Variants in TRPM3 observed in about 807,000 individuals in gnomAD.
TRPM3 encodes the protein transient receptor potential cation channel subfamily M member 3.
A neutral mutation model predicts 181.2 loss-of-function variants in TRPM3; 77 were observed. That is an observed-to-expected ratio of 0.42 (90% CI 0.35 to 0.51). The LOEUF is 0.51. Ranked by LOEUF, TRPM3 falls within the 20% of genes least tolerant of loss-of-function variation. The pLI, the probability that TRPM3 is intolerant of heterozygous loss-of-function variation, is 0.01. For missense variants in TRPM3, 1,759 were observed against 2,196.7 expected (o/e 0.80, Z 3.98); for synonymous variants, 745 against 796.4 (o/e 0.94, Z 1.09).
intron 1 of TRPM3, among the ~76,000 whole-genome samples, chr9:71,019,988 G>C (rs2097829267): frequency 6.6e-6 from 1 of 151,978 alleles, no homozygotes; most frequent in Admixed American, 6.6e-5. Context: ...TACTCACATG[G>C]GAAAAATATA....
chr9:71,151,132 T>C (rs946239622), intron 1 of TRPM3, among the ~76,000 whole-genome samples: 3 of 152,190 alleles, frequency 2.0e-5, no homozygotes, highest in African/African-American at 7.2e-5. Context: ...TGAGAATCCA[T>C]AAAATGAAAT....
intron 1 of TRPM3, among the ~76,000 whole-genome samples, chr9:71,401,574 T>A (rs2093341897): frequency 6.6e-6 from 1 of 152,204 alleles, no homozygotes; most frequent in South Asian, 2.1e-4. Context: ...TTACCCTTGA[T>A]GAGGTAGATG....
At chr9:70,781,046 CT>C (rs2082332963) in intron 7 of TRPM3, among the ~76,000 whole-genome samples, 1 of 152,006 alleles carries the variant, frequency 6.6e-6, no homozygotes, top group African/African-American at 2.4e-5. Context: ...ATATTTTTGG[CT>C]GAGCGTGGTG....
intron 1 of TRPM3, among the ~76,000 whole-genome samples, chr9:71,156,398 C>CAG (rs1305179454): frequency 1.3e-4 from 19 of 147,158 alleles, no homozygotes; most frequent in Admixed American, 1.1e-3. Flanking sequence ...CACACACACA[C>CAG]ACACACACAC....
rs149806831 is a variant in TRPM3 at position 70,903,079 on chromosome 9, T to C, written c.178-38568A>G. On this transcript the variant is annotated intron_variant, in intron 1 of 25. Coordinates refer to ENST00000677713, the MANE Select transcript of TRPM3 (RefSeq NM_001366145.2). Reference sequence around the variant, plus strand: ...GAGGGAAAAATTACAGCCGGAACTCTTTCCCAGGAAGGAATTCAGAAACCA... The same window carrying C: ...GAGGGAAAAATTACAGCCGGAACTCCTTCCCAGGAAGGAATTCAGAAACCA... Among the ~76,000 whole-genome samples the C allele has an allele frequency of 2.3e-3, 354 of 152,332 alleles. 2 individuals are homozygous for C. The highest frequency in any genetic ancestry group is 8.2e-3 in the African/African-American group (340 of 41,566).
chr9:71,073,784 CAG>C lies in TRPM3; in HGVS notation c.177+47392_177+47393del, dbSNP rs200208201. Among the ~76,000 whole-genome samples, 784 of 151,792 alleles carry C rather than the reference CAG, an allele frequency of 5.2e-3. 18 individuals are homozygous for C. The East Asian group carries it at 0.078, about 15-fold the overall frequency. ...AAATTAATTATTTAATTAAAAAAAA[CAG>C]AAAAATATTGCTGAGATAATGTCAA... On this transcript the variant is annotated intron_variant, in intron 1 of 25. Transcript: ENST00000677713.
chr9:71,101,238 A>G (rs1301618952), intron 1 of TRPM3, among the ~76,000 whole-genome samples: 1 of 152,152 alleles, frequency 6.6e-6, no homozygotes, highest in African/African-American at 2.4e-5. Flanking sequence ...CTCTTGAGAC[A>G]TGATCTCTGC....
chr9:71,215,440 T>G (rs942432863), intron 1 of TRPM3, among the ~76,000 whole-genome samples: 4 of 152,210 alleles, frequency 2.6e-5, no homozygotes, highest in African/African-American at 9.6e-5. Flanking sequence ...TCATTGCTGA[T>G]CAGGATTACA....
chr9:71,143,002 A>G (rs1475968567), intron 1 of TRPM3, among the ~76,000 whole-genome samples: 3 of 151,482 alleles, frequency 2.0e-5, no homozygotes, highest in African/African-American at 4.8e-5. Flanking sequence ...AAGAAAGAAA[A>G]AAACAGGCCT....
At chr9:70,737,574 G>T (rs1313563393) in intron 8 of TRPM3, among the ~76,000 whole-genome samples, 2 of 114,772 alleles carry the variant, frequency 1.7e-5, no homozygotes, top group African/African-American at 6.8e-5. Flanking sequence ...CCAATTAAAA[G>T]ACACAGAATG....
At chr9:70,856,018 T>C (rs914107979) in intron 3 of TRPM3, among the ~76,000 whole-genome samples, 3 of 152,182 alleles carry the variant, frequency 2.0e-5, no homozygotes, top group African/African-American at 7.2e-5. Flanking sequence ...AGATATCAGG[T>C]ACTTACAGGG....
intron 1 of TRPM3, among the ~76,000 whole-genome samples, chr9:71,354,350 C>T (rs1315172200): frequency 6.6e-6 from 1 of 152,074 alleles, no homozygotes; most frequent in Non-Finnish European, 1.5e-5. Context: ...TGGCAGACCC[C>T]AAAGATACTC....
chr9:70,629,393 T>A (rs1324899254), intron 12 of TRPM3, among the ~76,000 whole-genome samples: 1 of 152,084 alleles, frequency 6.6e-6, no homozygotes, highest in Admixed American at 6.5e-5. Flanking sequence ...TGGAGTGCAA[T>A]GGTGTGATCT....
At position 70,553,052 on chromosome 9, in the gene TRPM3, G is replaced by T; in HGVS notation, c.3375-9C>A. On this transcript the variant is annotated splice_polypyrimidine_tract_variant and intron_variant, in intron 23 of 25. Coordinates refer to ENST00000677713, the MANE Select transcript of TRPM3 (RefSeq NM_001366145.2). Reference sequence around the variant, plus strand: ...CTTCAAAAAATGTATTGCTAAAATAGAGACCAAAGAGAATCAAGTGAGAAA... The same window carrying T: ...CTTCAAAAAATGTATTGCTAAAATATAGACCAAAGAGAATCAAGTGAGAAA... 6.2e-7 allele frequency: 1 copy of T among 1,614,090 alleles called. No individual in the cohort carries two copies. Among genetic ancestry groups the T allele is most frequent in the Non-Finnish European group, 8.5e-7 (1 of 1,179,960 alleles).
intron 3 of TRPM3, among the ~76,000 whole-genome samples, chr9:70,859,391 T>C (rs1163692411): frequency 6.6e-6 from 1 of 152,174 alleles, no homozygotes; most frequent in Non-Finnish European, 1.5e-5. Flanking sequence ...GTAATATACA[T>C]ACAGTATATA....
At chr9:70,700,827 G>T (rs1184475655) in intron 8 of TRPM3, among the ~76,000 whole-genome samples, 1 of 152,200 alleles carries the variant, frequency 6.6e-6, no homozygotes, top group East Asian at 1.9e-4. Flanking sequence ...CAATGGTTTT[G>T]TGAATCACAT....
At chr9:70,974,724 A>G (rs948101934) in intron 1 of TRPM3, among the ~76,000 whole-genome samples, 4 of 141,324 alleles carry the variant, frequency 2.8e-5, no homozygotes, top group Non-Finnish European at 6.2e-5. Context: ...GTGAGACTCC[A>G]TCTCAAAAAT....
intron 1 of TRPM3, among the ~76,000 whole-genome samples, chr9:71,096,590 A>ACACACACACACTCT (rs1452142664): frequency 1.1e-5 from 1 of 89,996 alleles, no homozygotes; most frequent in East Asian, 3.4e-4. Context: ...ACACACACAC[A>ACACACACACACTCT]CTCTCTCTCT....
intron 6 of TRPM3, among the ~76,000 whole-genome samples, chr9:70,790,307 A>G (rs934725865): frequency 2.6e-5 from 4 of 152,176 alleles, no homozygotes; most frequent in African/African-American, 9.7e-5. Context: ...TGATTATTAC[A>G]GTATAGGTCA....
Sources: allele counts gnomAD v4.1 joint callset (sites outside exome capture counted in the v4.1 genomes callset), GRCh38; gene constraint gnomAD v4.1.1; transcripts MANE v1.5; gene names NCBI Gene and HGNC (gene_info 2026-07-23, HGNC 2026-07-21).